Variants in CASP10 observed in about 807,000 individuals in gnomAD.
The protein encoded by CASP10 is caspase-10.
Under a neutral mutation model 48.5 loss-of-function variants are expected in CASP10, and 41 were observed. That is an observed-to-expected ratio of 0.85 (90% CI 0.66 to 1.10). The LOEUF (loss-of-function observed/expected upper bound fraction) is 1.10. Ranked by LOEUF, CASP10 falls within the 50% of genes least tolerant of loss-of-function variation. The probability of loss-of-function intolerance (pLI) is 0.00; values close to 1 mark genes in which losing one functional copy is unlikely to be tolerated. For synonymous variants in CASP10, 232 were observed against 238.4 expected (o/e 0.97, Z 0.25); for missense variants, 614 against 614.5 (o/e 1.00, Z 0.01).
At chr2:201,214,864 G>T (rs1945517977) in intron 9 of CASP10, 1 of 151,926 alleles carries the variant, frequency 6.6e-6, no homozygotes, top group Admixed American at 6.6e-5. Flanking sequence ...GGCATAGGAG[G>T]GATGATATTA....
At position 201,228,931 on chromosome 2, in the gene CASP10, A is replaced by G. The variant is rs1191593599; in HGVS notation, c.1416-2A>G. 3 of 1,613,922 alleles carry G rather than the reference A, an allele frequency of 1.9e-6. No homozygotes were observed. The Admixed American group carries it at 5.0e-5, about 27-fold the overall frequency. On this transcript the variant is annotated splice_acceptor_variant, in intron 9 of 9. Transcript: ENST00000272879. LOFTEE classifies it high-confidence loss of function. Reference sequence around the variant, plus strand: ...CCTTTTATTTCTCTTTGTGCTCAGTAGGATGCTGAAATTTCTGGAAAAGAC... The same window carrying G: ...CCTTTTATTTCTCTTTGTGCTCAGTGGGATGCTGAAATTTCTGGAAAAGAC...
intron 5 of CASP10, among the ~76,000 whole-genome samples, chr2:201,196,432 G>A (rs993987830): frequency 1.3e-5 from 2 of 152,152 alleles, no homozygotes; most frequent in African/African-American, 4.8e-5. Context: ...CAACCCAGAG[G>A]GCAAGGGTTT....
intron 9 of CASP10, among the ~76,000 whole-genome samples, chr2:201,210,923 G>T (rs41434850): frequency 2.0e-4 from 30 of 151,714 alleles, no homozygotes; most frequent in Non-Finnish European, 7.4e-5. Flanking sequence ...GCAATGTGTG[G>T]TTTTTTTTGG....
intron 2 of CASP10, 50 bp from the exon 3 acceptor site, chr2:201,187,656 G>T: frequency 7.9e-7 from 1 of 1,269,986 alleles, no homozygotes; most frequent in South Asian, 1.2e-5. Context: ...TGATTATGGT[G>T]TCCTCCACAA....
At chr2:201,187,867 A>G (rs1944469777) in intron 3 of CASP10, 68 bp downstream of exon 3, 1 of 1,200,072 alleles carries the variant, frequency 8.3e-7, no homozygotes, top group Middle Eastern at 1.9e-4. Flanking sequence ...AGATGCTGGA[A>G]AGGGTTTTTA....
chr2:201,204,036 C>T (rs11899590), intron 6 of CASP10, among the ~76,000 whole-genome samples: 261 of 152,290 alleles, frequency 1.7e-3, no homozygotes, highest in African/African-American at 5.7e-3. Context: ...TTCCTCCACC[C>T]TTCAGAATTA....
chr2:201,183,421 T>G (rs551004942), intron 1 of CASP10, 113 bp downstream of exon 1: 1 of 152,292 alleles, frequency 6.6e-6, no homozygotes, highest in Non-Finnish European at 1.5e-5. Context: ...TGGCACTATT[T>G]TTTCTTAGAT....
chr2:201,199,004 C>T (rs1487046097), intron 5 of CASP10, among the ~76,000 whole-genome samples: 1 of 152,108 alleles, frequency 6.6e-6, no homozygotes, highest in African/African-American at 2.4e-5. Flanking sequence ...CCTAGATTTA[C>T]CTACCTGTTG....
At chr2:201,215,211 G>GTTTTTTTTTTTTTTTTTTTT (rs10616229) in intron 9 of CASP10, among the ~76,000 whole-genome samples, 6 of 29,884 alleles carry the variant, frequency 2.0e-4, no homozygotes, top group Non-Finnish European at 3.2e-4. Flanking sequence ...TCTTCCCTCG[G>GTTTTTTTTTTTTTTTTTTTT]TTTTTTTTTT....
chr2:201,197,009 G>T (rs13012461), intron 5 of CASP10, among the ~76,000 whole-genome samples: 1 of 152,100 alleles, frequency 6.6e-6, no homozygotes, highest in African/African-American at 2.4e-5. Flanking sequence ...GCATATCTCA[G>T]AATTTCCTTC....
At chr2:201,216,737 G>A (rs1198058613) in intron 9 of CASP10, among the ~76,000 whole-genome samples, 1 of 152,122 alleles carries the variant, frequency 6.6e-6, no homozygotes, top group Non-Finnish European at 1.5e-5. Flanking sequence ...TCCTATTTTA[G>A]AGCTGGGAAA....
chr2:201,207,389 G>A (rs540898522), intron 7 of CASP10, among the ~76,000 whole-genome samples: 3 of 152,214 alleles, frequency 2.0e-5, no homozygotes, highest in Non-Finnish European at 4.4e-5. Context: ...GGGAGGCTGA[G>A]GTGGGCGAAT....
Position 201,185,756 on chromosome 2 carries a change from C to G in CASP10, c.-7-15C>G. 1.3e-6 allele frequency: 2 copies of G among 1,567,852 alleles called. No homozygotes were observed. Among genetic ancestry groups the G allele is most frequent in the Non-Finnish European group, 1.8e-6 (2 of 1,138,010 alleles). On this transcript the variant is annotated splice_polypyrimidine_tract_variant and intron_variant, in intron 1 of 9. Transcript: ENST00000286186. ...CACTCTCTAACTCCCTGCCCCACCT[C>G]TCTGTCCCTTTCAGGCTGGCCATGA...
At chr2:201,209,781 A>G (rs1472225551) in intron 9 of CASP10, among the ~76,000 whole-genome samples, 1 of 151,884 alleles carries the variant, frequency 6.6e-6, no homozygotes, top group South Asian at 2.1e-4. Flanking sequence ...CCATCCATCC[A>G]TCTGTCCATC....
intron 8 of CASP10, chr2:201,208,474 G>C (rs182849481): frequency 1.9e-6 from 1 of 523,924 alleles, no homozygotes; most frequent in African/African-American, 2.1e-5. Flanking sequence ...CTAGGTGTGT[G>C]ATCATGGGAG....
intron 7 of CASP10, among the ~76,000 whole-genome samples, chr2:201,207,784 G>T (rs1430723517): frequency 6.6e-6 from 1 of 151,392 alleles, no homozygotes; most frequent in African/African-American, 2.4e-5. Context: ...ATCTGGGGGT[G>T]TTGGTGGGCA....
intron 3 of CASP10, among the ~76,000 whole-genome samples, chr2:201,191,939 A>G (rs1043216725): frequency 6.6e-6 from 1 of 152,216 alleles, no homozygotes; most frequent in Non-Finnish European, 1.5e-5. Flanking sequence ...TATTTGCCAG[A>G]GTGGTGTTAA....
At chr2:201,209,585 C>A (rs969202890) in intron 9 of CASP10, 23 bp downstream of exon 9, 1 of 1,590,244 alleles carries the variant, frequency 6.3e-7, no homozygotes, top group Non-Finnish European at 8.5e-7. Flanking sequence ...TTTTTTCTTC[C>A]ATTTGTAATT....
chr2:201,189,873 C>T (rs1405283278), intron 3 of CASP10, among the ~76,000 whole-genome samples: 1 of 152,030 alleles, frequency 6.6e-6, no homozygotes, highest in Non-Finnish European at 1.5e-5. Flanking sequence ...GTGGCGTGCA[C>T]CTGTAGTCCC....
Sources: allele counts gnomAD v4.1 joint callset (sites outside exome capture counted in the v4.1 genomes callset), GRCh38; gene constraint gnomAD v4.1.1; transcripts MANE v1.5; gene names NCBI Gene and HGNC (gene_info 2026-07-23, HGNC 2026-07-21).